FZD7: variants seen among roughly 807,000 people sequenced by gnomAD.
FZD7 encodes frizzled class receptor 7, also known as frizzled-7.
FZD7 carries 21 observed loss-of-function variants against 39.0 expected under a neutral mutation model. The ratio of observed to expected loss-of-function variants is 0.54; its 90% CI spans 0.38 to 0.78. FZD7 has a LOEUF of 0.78. Ranked by LOEUF, FZD7 falls within the 30% of genes least tolerant of loss-of-function variation. The pLI, the probability that FZD7 is intolerant of heterozygous loss-of-function variation, is 0.00. For missense variants in FZD7, 695 were observed against 805.0 expected, an observed-to-expected ratio of 0.86 and a Z score of 1.65; for synonymous variants, 428 against 364.9, an observed-to-expected ratio of 1.17 and a Z score of -1.97.
rs1185346508 is a variant in FZD7, at chr2:202,038,271, T to G, written c.*1899T>G. 1 of 167,124 alleles carries G rather than the reference T, an allele frequency of 6.0e-6. No individual in the cohort carries two copies. The highest frequency in any genetic ancestry group is 1.5e-5 in the Non-Finnish European group (1 of 68,134). 10.4% of individuals were successfully genotyped at this position (167,124 alleles called of 1,614,324 possible). On this transcript the variant is annotated 3_prime_UTR_variant, in exon 1 of 1. Coordinates refer to ENST00000286201, the MANE Select transcript of FZD7 (RefSeq NM_003507.2). Reference sequence around the variant, plus strand: ...GTATCTTTTAAGTGCATGTGAAATTTGTAAAATAGAGATAAGTACAGTATG... The same window carrying G: ...GTATCTTTTAAGTGCATGTGAAATTGGTAAAATAGAGATAAGTACAGTATG...
Position 202,035,443 on chromosome 2 carries a change from G to A in FZD7, c.796G>A (p.Ala266Thr). ...WVGVWSVLCC[A>T]STLFTVLTYL... ...GGGCGTGTGGTCCGTGCTGTGCTGC[G>A]CCTCGACGCTCTTTACCGTTCTCAC... The change falls in exon 1 of 1, where the codon GCC becomes ACC. Residue 266 changes from alanine to threonine, a missense_variant. Physicochemically the swap from Ala to Thr is moderately conservative, Grantham distance 58. Transcript: ENST00000286201. The A allele has an allele frequency of 6.2e-7, 1 of 1,614,074 alleles. No homozygotes were observed. The highest frequency in any genetic ancestry group is 8.5e-7 in the Non-Finnish European group (1 of 1,180,004).
At position 202,034,910 on chromosome 2, in the gene FZD7, C is replaced by T; in HGVS notation, c.263C>T (p.Pro88Leu). Residue 88 changes from proline to leucine, a missense_variant, in exon 1 of 1, where the codon CCG becomes CTG. Coordinates refer to ENST00000286201, the MANE Select transcript of FZD7 (RefSeq NM_003507.2). ...GGCCTCGAGGTGCACCAGTTCTACCCGCTGGTGAAGGTGCAGTGTTCTCCC... is the reference window on the plus strand; with the variant it reads ...GGCCTCGAGGTGCACCAGTTCTACCTGCTGGTGAAGGTGCAGTGTTCTCCC... ...DAGLEVHQFY[P>L]LVKVQCSPEL... is the part of the protein sequence containing the mutation. 6.2e-7 allele frequency: 1 copy of T among 1,614,216 alleles called. No homozygotes were observed. The highest frequency in any genetic ancestry group is 8.5e-7 in the Non-Finnish European group (1 of 1,180,018).
Position 202,033,878 on chromosome 2 carries a change from GGGCGGCGGCGGCGGC to G in FZD7, c.-758_-744del, listed in dbSNP as rs565338234. 6.6e-6 allele frequency among the ~76,000 whole-genome samples: 1 copy of G among 150,440 alleles called. No individual in the cohort carries two copies. Among genetic ancestry groups the G allele is most frequent in the African/African-American group, 2.4e-5 (1 of 41,050 alleles). The stretch of plus-strand genomic sequence containing the variant: ...GCGTTAGTCGGCGCTCACTCCCGGC[GGGCGGCGGCGGCGGC>G]GGCGGCGGCGGGCGCCAGGACTCGC... On this transcript the variant is annotated 5_prime_UTR_variant, in exon 1 of 1. Transcript: ENST00000286201.
At position 202,035,818 on chromosome 2, in the gene FZD7, G is replaced by A. The variant is rs1688729989; in HGVS notation, c.1171G>A (p.Val391Ile). 1 of 1,614,062 alleles carries A rather than the reference G, an allele frequency of 6.2e-7. No individual in the cohort carries two copies. Among genetic ancestry groups the A allele is most frequent in the East Asian group, 2.2e-5 (1 of 44,884 alleles). The stretch of plus-strand genomic sequence containing the variant: ...CCTGGCCGCGTGGGCCGTGCCCGCC[G>A]TCAAGACCATCACTATCCTGGCCAT... Reference protein sequence around the residue: ...FHLAAWAVPAVKTITILAMGQ... With the variant: ...FHLAAWAVPAIKTITILAMGQ... The change falls in exon 1 of 1, where the codon GTC becomes ATC. Residue 391 changes from valine (V) to isoleucine (I), a missense_variant. Physicochemically the swap from Val to Ile is conservative, Grantham distance 29 (BLOSUM62 3). Coordinates refer to ENST00000286201, the MANE Select transcript of FZD7 (RefSeq NM_003507.2).
chr2:202,035,000 C>G lies in FZD7; in HGVS notation c.353C>G (p.Pro118Arg), dbSNP rs893983948. The G allele has an allele frequency of 6.2e-7, 1 of 1,613,690 alleles. No individual in the cohort carries two copies. Among genetic ancestry groups the G allele is most frequent in the African/African-American group, 1.3e-5 (1 of 74,948 alleles). Reference sequence around the variant, plus strand: ...TGCACCGTGCTCGATCAGGCCATCCCGCCGTGTCGTTCTCTGTGCGAGCGC... The same window carrying G: ...TGCACCGTGCTCGATCAGGCCATCCGGCCGTGTCGTTCTCTGTGCGAGCGC... ...PVCTVLDQAI[P>R]PCRSLCERAR... is the part of the protein sequence containing the mutation. Residue 118 changes from proline (P) to arginine (R), a missense_variant, in exon 1 of 1, where the codon CCG (proline) becomes CGG (arginine). Physicochemically the swap from Pro to Arg is moderately radical, Grantham distance 103 (BLOSUM62 -2). Transcript: ENST00000286201.
At position 202,036,470 on chromosome 2, in the gene FZD7, T is replaced by C; in HGVS notation, c.*98T>C. 1 of 920,238 alleles carries C rather than the reference T, an allele frequency of 1.1e-6. No individual in the cohort carries two copies. The highest frequency in any genetic ancestry group is 1.7e-5 in the South Asian group (1 of 58,314). The allele number at this position is 920,238 out of a possible 1,614,324, so 57.0% of individuals were successfully genotyped here. A position where few individuals can be genotyped will look rare whatever the true frequency, so the allele number is the denominator to read the frequency against. Reference sequence around the variant, plus strand: ...CTGGGTGGGGGCCTGTTTCTGTAACTTTCTCCCCCTCTACTGAGAAGTGAC... The same window carrying C: ...CTGGGTGGGGGCCTGTTTCTGTAACCTTCTCCCCCTCTACTGAGAAGTGAC... On this transcript the variant is annotated 3_prime_UTR_variant, in exon 1 of 1. Transcript: ENST00000286201.
rs1260519417 is a variant in FZD7, at chr2:202,033,936, G to A, written c.-712G>A. 6.6e-6 allele frequency among the ~76,000 whole-genome samples: 1 copy of A among 150,988 alleles called. No homozygotes were observed. Among genetic ancestry groups the A allele is most frequent in the Non-Finnish European group, 1.5e-5 (1 of 67,694 alleles). The stretch of plus-strand genomic sequence containing the variant: ...GGACTCGCTGCTGGGGCTGCGAGGG[G>A]CTGGAGGGGCCGGGGCCAGGCCGCG... On this transcript the variant is annotated 5_prime_UTR_variant, in exon 1 of 1. Coordinates refer to ENST00000286201, the MANE Select transcript of FZD7 (RefSeq NM_003507.2).
Position 202,036,087 on chromosome 2 carries a change from G to A in FZD7, c.1440G>A (p.Val480=), listed in dbSNP as rs746743333. 6.2e-7 allele frequency: 1 copy of A among 1,614,002 alleles called. No homozygotes were observed. The highest frequency in any genetic ancestry group is 1.1e-5 in the South Asian group (1 of 91,080). ...RIGVFSVLYT[V]PATIVLACYF... is the part of the protein sequence containing the mutation. ...GCGTCTTCAGCGTGCTCTACACAGT[G>A]CCCGCCACCATCGTCCTGGCCTGCT... Residue 480 remains valine, a synonymous_variant, in exon 1 of 1, where the codon GTG becomes GTA. Transcript: ENST00000286201.
At position 202,037,718 on chromosome 2, in the gene FZD7, T is replaced by A. The variant is rs988797430; in HGVS notation, c.*1346T>A. ...TGTTTTCTTGGTTCCATCAATCTGT[T>A]TATTAAACATCATCCATATGCTGAC... On this transcript the variant is annotated 3_prime_UTR_variant, in exon 1 of 1. Transcript: ENST00000286201. The A allele has an allele frequency of 6.0e-6, 1 of 166,872 alleles. No homozygotes were observed. Among genetic ancestry groups the A allele is most frequent in the Non-Finnish European group, 1.5e-5 (1 of 68,086 alleles). The allele number at this position is 166,872 out of a possible 1,614,324, so 10.3% of individuals were successfully genotyped here. A position where few individuals can be genotyped will look rare whatever the true frequency, so the allele number is the denominator to read the frequency against.
At position 202,034,834 on chromosome 2, in the gene FZD7, A is replaced by C. The variant is rs763259152; in HGVS notation, c.187A>C (p.Asn63His). 2 of 1,613,992 alleles carry C rather than the reference A, an allele frequency of 1.2e-6. No homozygotes were observed. Among genetic ancestry groups the C allele is most frequent in the Admixed American group, 3.3e-5 (2 of 60,028 alleles). Residue 63 changes from asparagine to histidine, a missense_variant, in exon 1 of 1, where the codon AAC (asparagine) becomes CAC (histidine). By Grantham distance (68) the Asn-to-His change is moderately conservative. Transcript: ENST00000286201. The stretch of plus-strand genomic sequence containing the variant: ...CCCGCTGTGCACGGACATCGCCTAC[A>C]ACCAGACCATCCTGCCCAACCTGCT... ...SIPLCTDIAY[N>H]QTILPNLLGH...
chr2:202,033,916 C>T lies in FZD7; in HGVS notation c.-732C>T, dbSNP rs1688686117. ...GGCGGCGGCGGCGGGCGCCAGGACT[C>T]GCTGCTGGGGCTGCGAGGGGCTGGA... On this transcript the variant is annotated 5_prime_UTR_variant, in exon 1 of 1. Transcript: ENST00000286201. Among the ~76,000 whole-genome samples, 1 of 149,036 alleles carries T rather than the reference C, an allele frequency of 6.7e-6. No homozygotes were observed. Among genetic ancestry groups the T allele is most frequent in the South Asian group, 2.1e-4 (1 of 4,724 alleles).
rs1470150101 is a variant in FZD7, at chr2:202,035,121, G to A, written c.474G>A (p.Glu158=). Residue 158 remains glutamate, a synonymous_variant, in exon 1 of 1, where the codon GAG becomes GAA. Transcript: ENST00000286201. ...CENFPVHGAG[E]ICVGQNTSDG... Reference sequence around the variant, plus strand: ...ACTTCCCGGTGCACGGTGCGGGCGAGATCTGCGTGGGCCAGAACACGTCGG... The same window carrying A: ...ACTTCCCGGTGCACGGTGCGGGCGAAATCTGCGTGGGCCAGAACACGTCGG... The A allele has an allele frequency of 6.2e-7, 1 of 1,606,512 alleles. No homozygotes were observed. Among genetic ancestry groups the A allele is most frequent in the Admixed American group, 1.7e-5 (1 of 59,978 alleles).
rs1688738735 is a variant in FZD7 at position 202,036,199 on chromosome 2, G to C, written c.1552G>C (p.Gly518Arg). 1 of 1,613,476 alleles carries C rather than the reference G, an allele frequency of 6.2e-7. No individual in the cohort carries two copies. The highest frequency in any genetic ancestry group is 1.7e-5 in the Admixed American group (1 of 60,006). The change falls in exon 1 of 1, where the codon GGC becomes CGC. Residue 518 changes from glycine to arginine, a missense_variant. Coordinates refer to ENST00000286201, the MANE Select transcript of FZD7 (RefSeq NM_003507.2). ...GAGCTATGCCGTGCCCTGCCCGCCC[G>C]GCCACTTCCCGCCCATGAGCCCCGA... ...CKSYAVPCPP[G>R]HFPPMSPDFT...
Position 202,036,117 on chromosome 2 carries a change from C to A in FZD7, c.1470C>A (p.Phe490Leu), listed in dbSNP as rs765225022. 5 of 1,613,808 alleles carry A rather than the reference C, an allele frequency of 3.1e-6. No homozygotes were observed. Among genetic ancestry groups the A allele is most frequent in the Non-Finnish European group, 4.2e-6 (5 of 1,180,038 alleles). ...CCACCATCGTCCTGGCCTGCTACTT[C>A]TACGAGCAGGCCTTCCGCGAGCACT... ...VPATIVLACY[F>L]YEQAFREHWE... is the part of the protein sequence containing the mutation. The change falls in exon 1 of 1, where the codon TTC becomes TTA. Residue 490 changes from phenylalanine to leucine, a missense_variant. Phe to Leu is a conservative substitution (Grantham distance 22, BLOSUM62 0). Transcript: ENST00000286201.
In FZD7 at chr2:202,033,857, T is replaced by G. The variant is rs1181220874; in HGVS notation, c.-791T>G. 2.0e-5 allele frequency among the ~76,000 whole-genome samples: 3 copies of G among 150,976 alleles called. No homozygotes were observed. The highest frequency in any genetic ancestry group is 7.3e-5 in the African/African-American group (3 of 41,106). ...GGCGACCAGCGCGACTCCGAGGCGT[T>G]AGTCGGCGCTCACTCCCGGCGGGCG... On this transcript the variant is annotated 5_prime_UTR_variant, in exon 1 of 1. Coordinates refer to ENST00000286201, the MANE Select transcript of FZD7 (RefSeq NM_003507.2).
At position 202,034,007 on chromosome 2, in the gene FZD7, A is replaced by G. The variant is rs1036367153; in HGVS notation, c.-641A>G. ...TCGGACGCAGTGTGACTGGGTTTCC[A>G]AAAAGAACTCGCCGTGCTCCCGACT... On this transcript the variant is annotated 5_prime_UTR_variant, in exon 1 of 1. Transcript: ENST00000286201. 3.3e-5 allele frequency among the ~76,000 whole-genome samples: 5 copies of G among 151,788 alleles called. No individual in the cohort carries two copies. Among genetic ancestry groups the G allele is most frequent in the Non-Finnish European group, 7.4e-5 (5 of 67,914 alleles).
chr2:202,036,135 C>T lies in FZD7; in HGVS notation c.1488C>T (p.Arg496=). ...LACYFYEQAF[R]EHWERTWLLQ... ...GCTACTTCTACGAGCAGGCCTTCCG[C>T]GAGCACTGGGAGCGCACCTGGCTCC... The change falls in exon 1 of 1, where the codon CGC becomes CGT. Residue 496 remains arginine (R), a synonymous_variant. Transcript: ENST00000286201. 6.2e-6 allele frequency: 10 copies of T among 1,613,750 alleles called. No individual in the cohort carries two copies. Among genetic ancestry groups the T allele is most frequent in the Non-Finnish European group, 8.5e-6 (10 of 1,180,032 alleles).
Position 202,037,152 on chromosome 2 carries a change from C to T in FZD7, c.*780C>T, listed in dbSNP as rs907708857. 3 of 166,994 alleles carry T rather than the reference C, an allele frequency of 1.8e-5. No homozygotes were observed. The highest frequency in any genetic ancestry group is 2.9e-5 in the Non-Finnish European group (2 of 68,112). The allele number at this position is 166,994 out of a possible 1,614,324, so 10.3% of individuals were successfully genotyped here. A position where few individuals can be genotyped will look rare whatever the true frequency, so the allele number is the denominator to read the frequency against. ...CTGGGGAAGGCAGGAGGCAGAAAGA[C>T]GGGTGTTTTATTTGGTCTAATACCC... On this transcript the variant is annotated 3_prime_UTR_variant, in exon 1 of 1. Transcript: ENST00000286201.
At position 202,034,958 on chromosome 2, in the gene FZD7, C is replaced by G; in HGVS notation, c.311C>G (p.Ser104Cys). 1 of 1,614,174 alleles carries G rather than the reference C, an allele frequency of 6.2e-7. No homozygotes were observed. Among genetic ancestry groups the G allele is most frequent in the Non-Finnish European group, 8.5e-7 (1 of 1,180,024 alleles). The change falls in exon 1 of 1, where the codon TCC becomes TGC. Residue 104 changes from serine to cysteine, a missense_variant. Coordinates refer to ENST00000286201, the MANE Select transcript of FZD7 (RefSeq NM_003507.2). Reference protein sequence around the residue: ...CSPELRFFLCSMYAPVCTVLD... With the variant: ...CSPELRFFLCCMYAPVCTVLD... Reference sequence around the variant, plus strand: ...CCCGAACTCCGCTTTTTCTTATGCTCCATGTATGCGCCCGTGTGCACCGTG... The same window carrying G: ...CCCGAACTCCGCTTTTTCTTATGCTGCATGTATGCGCCCGTGTGCACCGTG...
Sources: allele counts gnomAD v4.1 joint callset (sites outside exome capture counted in the v4.1 genomes callset), GRCh38; gene constraint gnomAD v4.1.1; transcripts MANE v1.5; gene names NCBI Gene and HGNC (gene_info 2026-07-23, HGNC 2026-07-21).